Variants in ATP5MC2 observed in about 807,000 individuals in gnomAD.
The protein encoded by ATP5MC2 is ATP synthase F(0) complex subunit C2, mitochondrial.
Under a neutral mutation model 13.5 loss-of-function variants are expected in ATP5MC2, and 11 were observed. That is an observed-to-expected ratio of 0.81 (90% CI 0.51 to 1.35). ATP5MC2 has a LOEUF of 1.35. Among genes scored for constraint, ATP5MC2 ranks in the 40% most tolerant of loss-of-function variants. ATP5MC2 has a pLI of 0.00. For missense variants in ATP5MC2, 132 were observed against 175.0 expected (o/e 0.75, Z 1.39); for synonymous variants, 64 against 69.7 (o/e 0.92, Z 0.41).
chr12:53,679,019 A>G (rs1945324841), upstream of ATP5MC2, among the ~76,000 whole-genome samples: 1 of 152,292 alleles, frequency 6.6e-6, no homozygotes, highest in Non-Finnish European at 1.5e-5. Flanking sequence ...CCACAGACTC[A>G]TTTTAATTGA....
intron 2 of ATP5MC2, among the ~76,000 whole-genome samples, chr12:53,672,095 A>AAAAAAAAT (rs1175609310): frequency 1.3e-5 from 2 of 150,644 alleles, no homozygotes; most frequent in Non-Finnish European, 3.0e-5. Context: ...AAAAAAAAAA[A>AAAAAAAAT]AAAAAAAAAA....
At chr12:53,672,116 G>A (rs1435040317) in intron 2 of ATP5MC2, among the ~76,000 whole-genome samples, 3 of 105,228 alleles carry the variant, frequency 2.9e-5, no homozygotes, top group Admixed American at 2.1e-4. Flanking sequence ...TTAACTGGCC[G>A]CCAAGGGATA....
rs991227237 is a variant in ATP5MC2, at chr12:53,665,438, G to A, written c.312-10C>T. The A allele has an allele frequency of 1.9e-6, 3 of 1,601,448 alleles. No individual in the cohort carries two copies. Among genetic ancestry groups the A allele is most frequent in the Admixed American group, 1.7e-5 (1 of 59,986 alleles). On this transcript the variant is annotated splice_polypyrimidine_tract_variant and intron_variant, in intron 4 of 4. Coordinates refer to ENST00000394349, the MANE Select transcript of ATP5MC2 (RefSeq NM_005176.7). ...CTTCAGAGAAGGGTTCCTGGTAGAA[G>A]GAGAAGAGAAAAGACTGAATTTCTA... is the stretch of plus-strand genomic sequence containing the variant.
At chr12:53,674,677 T>C (rs1411997459) in intron 1 of ATP5MC2, among the ~76,000 whole-genome samples, 1 of 152,240 alleles carries the variant, frequency 6.6e-6, no homozygotes, top group Non-Finnish European at 1.5e-5. Context: ...GTGGAACTCC[T>C]GGCATCAAAA....
chr12:53,672,028 AG>A (rs1436061270), intron 2 of ATP5MC2, among the ~76,000 whole-genome samples: 1 of 131,138 alleles, frequency 7.6e-6, no homozygotes, highest in Non-Finnish European at 1.5e-5. Context: ...CGGGAGGCGG[AG>A]GTTGTGGTGG....
At chr12:53,671,773 T>A (rs1472149273) in intron 2 of ATP5MC2, among the ~76,000 whole-genome samples, 1 of 152,186 alleles carries the variant, frequency 6.6e-6, no homozygotes, top group African/African-American at 2.4e-5. Flanking sequence ...GGCTCATGCC[T>A]ATAATATCAG....
chr12:53,671,238 T>C (rs902394523), intron 2 of ATP5MC2, among the ~76,000 whole-genome samples: 19 of 152,252 alleles, frequency 1.2e-4, no homozygotes, highest in South Asian at 4.1e-4. Context: ...ATCAGCAGTG[T>C]ATTCTCAGGA....
At chr12:53,667,479 G>A (rs1163636664) in intron 4 of ATP5MC2, among the ~76,000 whole-genome samples, 3 of 151,838 alleles carry the variant, frequency 2.0e-5, no homozygotes, top group Admixed American at 1.3e-4. Flanking sequence ...AAACAAAAAT[G>A]AAGCCTTTTA....
chr12:53,673,006 C>T, intron 1 of ATP5MC2: 1 of 209,140 alleles, frequency 4.8e-6, no homozygotes, highest in Non-Finnish European at 9.8e-6. Flanking sequence ...CTTCTCAAGA[C>T]TTCATCATCT....
At chr12:53,668,329 C>T (rs1944994985) in intron 4 of ATP5MC2, among the ~76,000 whole-genome samples, 3 of 150,706 alleles carry the variant, frequency 2.0e-5, no homozygotes, top group South Asian at 2.1e-4. Flanking sequence ...CAAAGTCTCA[C>T]TCTGTCACCT....
upstream of ATP5MC2, chr12:53,676,369 T>A: frequency 1.1e-6 from 1 of 878,668 alleles, no homozygotes; most frequent in Non-Finnish European, 1.7e-6. Flanking sequence ...CGGACTTGCG[T>A]CCCCTTTCCG....
intron 1 of ATP5MC2, among the ~76,000 whole-genome samples, chr12:53,675,738 G>A (rs919862384): frequency 6.6e-6 from 1 of 152,210 alleles, no homozygotes; most frequent in Admixed American, 6.5e-5. Context: ...CAATCTGAAA[G>A]GGCCAGAGGG....
At chr12:53,680,039 G>A (rs1371876744), upstream of ATP5MC2, among the ~76,000 whole-genome samples, 1 of 152,152 alleles carries the variant, frequency 6.6e-6, no homozygotes. Flanking sequence ...AGGCTGGGGT[G>A]CGGTGACACG....
chr12:53,669,869 A>G lies in ATP5MC2; in HGVS notation c.117+2T>C. ...CACAGTCCCAACTCCACTGTAAGGT[A>G]CCTCATCTGTCAGTATCTCCGGTCG... On this transcript the variant is annotated splice_donor_variant, in intron 3 of 4. Coordinates refer to ENST00000394349, the MANE Select transcript of ATP5MC2 (RefSeq NM_005176.7). LOFTEE classifies it high-confidence loss of function. 2 of 1,613,892 alleles carry G rather than the reference A, an allele frequency of 1.2e-6. No individual in the cohort carries two copies. The highest frequency in any genetic ancestry group is 1.7e-6 in the Non-Finnish European group (2 of 1,179,912).
chr12:53,670,319 G>T, intron 2 of ATP5MC2: 2 of 349,928 alleles, frequency 5.7e-6, no homozygotes, highest in South Asian at 4.4e-5. Flanking sequence ...CTTACCATAG[G>T]GTTATGTGCC....
intron 1 of ATP5MC2, chr12:53,673,351 A>AAACAAAC (rs1349761617): frequency 0.01 from 1,384 of 136,150 alleles, 24 homozygotes; most frequent in African/African-American, 0.03. Flanking sequence ...AACAAACAAA[A>AAACAAAC]AGTTGCCCTT....
rs756721161 is a variant in ATP5MC2, at chr12:53,676,019, AGC to A, written c.-32+32_-32+33del. 3,354 of 1,601,722 alleles carry A rather than the reference AGC, an allele frequency of 2.1e-3. 60 individuals carry two copies. In the African/African-American group the frequency reaches 0.04, roughly 19 times the overall value. ...GGTGAGGTGTCCCGCGCGCGTGCGC[AGC>A]GCACAGAGGGCTCTAGGTCCCAAGG... On this transcript the variant is annotated intron_variant, in intron 1 of 4. Coordinates refer to ENST00000394349, the MANE Select transcript of ATP5MC2 (RefSeq NM_005176.7).
chr12:53,674,829 C>T (rs1277831766), intron 1 of ATP5MC2, among the ~76,000 whole-genome samples: 3 of 152,148 alleles, frequency 2.0e-5, no homozygotes, highest in African/African-American at 7.2e-5. Flanking sequence ...AACTCTAACC[C>T]AATTTTGCTG....
chr12:53,673,091 C>T (rs368057745), intron 1 of ATP5MC2: 30 of 156,074 alleles, frequency 1.9e-4, no homozygotes, highest in African/African-American at 5.3e-4. Flanking sequence ...GAGGCCGAGG[C>T]GGGCGGATCA....
Sources: allele counts gnomAD v4.1 joint callset (sites outside exome capture counted in the v4.1 genomes callset), GRCh38; gene constraint gnomAD v4.1.1; transcripts MANE v1.5; gene names NCBI Gene and HGNC (gene_info 2026-07-23, HGNC 2026-07-21).